Variants in KCTD16 observed in about 807,000 individuals in gnomAD.
The protein encoded by KCTD16 is BTB/POZ domain-containing protein KCTD16.
Under a neutral mutation model 33.2 loss-of-function variants are expected in KCTD16, and 13 were observed. The observed-to-expected ratio is 0.39, with a 90% CI of 0.25 to 0.62. The LOEUF (loss-of-function observed/expected upper bound fraction) is 0.62, where lower values mean the gene tolerates loss of function less well. KCTD16 is among the 20% of genes least tolerant of loss of function. The pLI, the probability that KCTD16 is intolerant of heterozygous loss-of-function variation, is 0.50. For synonymous variants in KCTD16, 197 were observed against 195.3 expected, an observed-to-expected ratio of 1.01 and a Z score of -0.07; for missense variants, 441 against 525.1, an observed-to-expected ratio of 0.84 and a Z score of 1.57.
chr5:144,393,027 T>C (rs1371124615), intron 3 of KCTD16, among the ~76,000 whole-genome samples: 1 of 152,192 alleles, frequency 6.6e-6, no homozygotes, highest in East Asian at 1.9e-4. Flanking sequence ...CATAATTAAT[T>C]TAAAAATAAA....
intron 1 of KCTD16, among the ~76,000 whole-genome samples, chr5:144,172,284 G>A (rs1752406442): frequency 1.3e-5 from 2 of 152,014 alleles, no homozygotes; most frequent in South Asian, 4.1e-4. Context: ...TTATTTTTGT[G>A]GATACATCAT....
intron 2 of KCTD16, among the ~76,000 whole-genome samples, chr5:144,201,725 T>G (rs1435374592): frequency 6.6e-6 from 1 of 152,226 alleles, no homozygotes; most frequent in African/African-American, 2.4e-5. Context: ...AACGACTGAC[T>G]GTGGTGAGGA....
At chr5:144,231,182 T>G (rs1448714850) in intron 3 of KCTD16, among the ~76,000 whole-genome samples, 2 of 152,188 alleles carry the variant, frequency 1.3e-5, no homozygotes. Context: ...TGTTTGATGT[T>G]AACATTTTGT....
chr5:144,327,611 A>G (rs757925556), intron 3 of KCTD16, among the ~76,000 whole-genome samples: 5 of 152,150 alleles, frequency 3.3e-5, no homozygotes, highest in Non-Finnish European at 5.9e-5. Flanking sequence ...TTCTTTCCAT[A>G]AAACAGAAAT....
At chr5:144,227,307 C>A (rs1753963602) in intron 3 of KCTD16, among the ~76,000 whole-genome samples, 1 of 152,118 alleles carries the variant, frequency 6.6e-6, no homozygotes, top group Admixed American at 6.6e-5. Context: ...TATGGGGAAT[C>A]TGACAGGCAG....
chr5:144,194,077 G>A (rs745549238), intron 2 of KCTD16, among the ~76,000 whole-genome samples: 1 of 152,140 alleles, frequency 6.6e-6, no homozygotes, highest in Non-Finnish European at 1.5e-5. Context: ...CAAGCATTTA[G>A]GTGTTACAGT....
intron 3 of KCTD16, among the ~76,000 whole-genome samples, chr5:144,309,612 A>G (rs943709284): frequency 7.9e-5 from 12 of 152,268 alleles, no homozygotes; most frequent in African/African-American, 2.9e-4. Context: ...TTAGTATTCA[A>G]TCCCTTGGAG....
chr5:144,374,541 C>T (rs939315825), intron 3 of KCTD16, among the ~76,000 whole-genome samples: 2 of 152,102 alleles, frequency 1.3e-5, no homozygotes. Context: ...ATTCAGGTTT[C>T]TTTAGAAAGC....
At chr5:144,344,227 T>G (rs1483103931) in intron 3 of KCTD16, among the ~76,000 whole-genome samples, 1 of 152,128 alleles carries the variant, frequency 6.6e-6, no homozygotes, top group African/African-American at 2.4e-5. Context: ...ATTAAAGACT[T>G]AAACGTTATA....
chr5:144,292,610 T>G (rs1755925647), intron 3 of KCTD16, among the ~76,000 whole-genome samples: 1 of 152,120 alleles, frequency 6.6e-6, no homozygotes, highest in Non-Finnish European at 1.5e-5. Flanking sequence ...TTCTGTAACT[T>G]TAGGTGCATA....
intron 3 of KCTD16, among the ~76,000 whole-genome samples, chr5:144,300,193 A>T (rs1286725928): frequency 4.6e-5 from 7 of 152,222 alleles, no homozygotes; most frequent in Admixed American, 4.6e-4. Flanking sequence ...TTGAATCAAA[A>T]GAGATATAGA....
chr5:144,453,143 G>A (rs750752881), intron 3 of KCTD16, among the ~76,000 whole-genome samples: 5 of 152,120 alleles, frequency 3.3e-5, no homozygotes, highest in Admixed American at 6.5e-5. Context: ...CTGGGCAGAG[G>A]GTGAAGGGCC....
intron 3 of KCTD16, among the ~76,000 whole-genome samples, chr5:144,337,555 T>A (rs989831400): frequency 1.3e-5 from 2 of 152,192 alleles, no homozygotes; most frequent in African/African-American, 4.8e-5. Context: ...TTTTATGTGA[T>A]GTACATTGTT....
chr5:144,334,866 T>A (rs1048274551), intron 3 of KCTD16, among the ~76,000 whole-genome samples: 50 of 152,114 alleles, frequency 3.3e-4, no homozygotes, highest in African/African-American at 1.2e-3. Context: ...ACCTTCAAAC[T>A]CATAGGCTTA....
At chr5:144,308,614 C>T (rs59983729) in intron 3 of KCTD16, among the ~76,000 whole-genome samples, 4,168 of 152,214 alleles carry the variant, frequency 0.027, 93 homozygotes, top group African/African-American at 0.047. Flanking sequence ...CTTGACCTAT[C>T]ATTTGTGGAG....
intron 3 of KCTD16, among the ~76,000 whole-genome samples, chr5:144,386,489 C>G (rs1752327046): frequency 6.6e-6 from 1 of 152,144 alleles, no homozygotes; most frequent in Non-Finnish European, 1.5e-5. Context: ...CACATTTGTT[C>G]TCTCTTTCTC....
chr5:144,256,015 C>T (rs981147210), intron 3 of KCTD16, among the ~76,000 whole-genome samples: 2 of 152,132 alleles, frequency 1.3e-5, no homozygotes, highest in African/African-American at 4.8e-5. Context: ...CTTTAAATAC[C>T]AAGTCAGTAC....
intron 3 of KCTD16, among the ~76,000 whole-genome samples, chr5:144,338,642 G>C (rs1432943169): frequency 1.3e-5 from 2 of 152,244 alleles, no homozygotes; most frequent in South Asian, 2.1e-4. Flanking sequence ...CAAATTTAAG[G>C]GTTAGTGAGA....
chr5:144,186,702 T>C lies in KCTD16; in HGVS notation c.-327+12230T>C, dbSNP rs575298455. ...ACAGAGCATCAAGGGCAATATACTC[T>C]ATGTATGTTAAAGTTTTAATATTAC... On this transcript the variant is annotated intron_variant, in intron 2 of 3. Coordinates refer to ENST00000512467, the MANE Select transcript of KCTD16 (RefSeq NM_020768.4). Among the ~76,000 whole-genome samples the C allele has an allele frequency of 2.6e-5, 4 of 152,312 alleles. No individual in the cohort carries two copies. In the South Asian group the frequency reaches 8.3e-4, roughly 32 times the overall value.
Sources: gnomAD v4.1 joint callset for allele counts (sites outside exome capture counted in the v4.1 genomes callset) on GRCh38, gnomAD v4.1.1 for gene constraint, MANE v1.5 for transcripts, NCBI Gene and HGNC (gene_info 2026-07-23, HGNC 2026-07-21) for gene names.